The following SLC33A1 variants were observed in gnomAD, a reference collection of about 807,000 sequenced individuals.
The protein encoded by SLC33A1 is acetyl-coenzyme A transporter 1.
Under a neutral mutation model 50.0 loss-of-function variants are expected in SLC33A1, and 20 were observed. The ratio of observed to expected loss-of-function variants is 0.40; its 90% CI spans 0.28 to 0.58. The LOEUF (loss-of-function observed/expected upper bound fraction) is 0.58, where lower values mean the gene tolerates loss of function less well. Among genes scored for constraint, SLC33A1 ranks in the 20% least tolerant of loss-of-function variants. The pLI, the probability that SLC33A1 is intolerant of heterozygous loss-of-function variation, is 0.44. For missense variants in SLC33A1, 476 were observed against 657.0 expected, an observed-to-expected ratio of 0.72 and a Z score of 3.01; for synonymous variants, 265 against 251.8, an observed-to-expected ratio of 1.05 and a Z score of -0.50.
chr3:155,845,407 G>T (rs1753129022), intron 1 of SLC33A1, among the ~76,000 whole-genome samples: 1 of 152,116 alleles, frequency 6.6e-6, no homozygotes, highest in African/African-American at 2.4e-5. Context: ...GCTCACTGCA[G>T]CCTTGACCTC....
chr3:155,836,184 T>C (rs1752651568), intron 2 of SLC33A1, among the ~76,000 whole-genome samples: 1 of 143,764 alleles, frequency 7.0e-6, no homozygotes, highest in African/African-American at 2.6e-5. Flanking sequence ...CTCAGGAGGC[T>C]GAGGCAGCAG....
At position 155,826,391 on chromosome 3, in the gene SLC33A1, A is replaced by T. The variant is rs1045935385; in HGVS notation, c.*1819T>A. 18 of 141,052 alleles carry T rather than the reference A, an allele frequency of 1.3e-4. No individual in the cohort carries two copies. The highest frequency in any genetic ancestry group is 3.5e-4 in the African/African-American group (13 of 36,948). 8.7% of individuals were successfully genotyped at this position (141,052 alleles called of 1,614,324 possible). A position where few individuals can be genotyped will look rare whatever the true frequency, so the allele number is the denominator to read the frequency against. On this transcript the variant is annotated 3_prime_UTR_variant, in exon 6 of 6. Coordinates refer to ENST00000643144, the MANE Select transcript of SLC33A1 (RefSeq NM_004733.4). ...GACAAAGTGAGACTCTGTCTCAATT[A>T]AAAAAAAAAAAAACTATGTTTGAAA...
intron 2 of SLC33A1, among the ~76,000 whole-genome samples, chr3:155,837,450 A>AAT (rs1752727763): frequency 6.6e-6 from 1 of 152,220 alleles, no homozygotes; most frequent in Non-Finnish European, 1.5e-5. Context: ...TGGTAGGGAA[A>AAT]ATTGGAACAA....
At position 155,827,372 on chromosome 3, in the gene SLC33A1, A is replaced by G. The variant is rs1752232658; in HGVS notation, c.*838T>C. Reference sequence around the variant, plus strand: ...ATTTTTATTTTCAAAATGTTGCCATAAACATACATACAACACTGAATTTGA... The same window carrying G: ...ATTTTTATTTTCAAAATGTTGCCATGAACATACATACAACACTGAATTTGA... On this transcript the variant is annotated 3_prime_UTR_variant, in exon 6 of 6. Transcript: ENST00000643144. 1 of 152,176 alleles carries G rather than the reference A, an allele frequency of 6.6e-6. No individual in the cohort carries two copies. Among genetic ancestry groups the G allele is most frequent in the African/African-American group, 2.4e-5 (1 of 41,452 alleles). 9.4% of individuals were successfully genotyped at this position (152,176 alleles called of 1,614,324 possible).
At chr3:155,849,160 C>G (rs1753298033) in intron 1 of SLC33A1, among the ~76,000 whole-genome samples, 1 of 152,002 alleles carries the variant, frequency 6.6e-6, no homozygotes, top group Non-Finnish European at 1.5e-5. Flanking sequence ...AGCAATCTGC[C>G]CACCTCAGCC....
chr3:155,835,000 G>T (rs1752590580), intron 2 of SLC33A1, among the ~76,000 whole-genome samples: 1 of 152,104 alleles, frequency 6.6e-6, no homozygotes, highest in African/African-American at 2.4e-5. Context: ...AAAAATTAAA[G>T]TTATAAGGAC....
intron 1 of SLC33A1, chr3:155,852,962 G>C (rs957942662): frequency 7.4e-6 from 4 of 537,484 alleles, no homozygotes; most frequent in Non-Finnish European, 1.3e-5. Flanking sequence ...TATTAAGCAA[G>C]TGGCATGAAT....
chr3:155,853,788 G>A lies in SLC33A1; in HGVS notation c.210C>T (p.Ala70=). The part of the protein sequence containing the change: ...DFLKAPQSFR[A]ELSSILLLLF... ...GTAGTAGCAAAATGCTGCTTAGTTC[G>A]GCCCGGAAGCTCTGTGGGGCTTTTA... Residue 70 remains alanine (A), a synonymous_variant, in exon 1 of 6, where the codon GCC becomes GCT. Transcript: ENST00000643144. 1 of 1,613,460 alleles carries A rather than the reference G, an allele frequency of 6.2e-7. No homozygotes were observed. The highest frequency in any genetic ancestry group is 8.5e-7 in the Non-Finnish European group (1 of 1,179,738).
At chr3:155,840,232 C>A (rs958545347) in intron 2 of SLC33A1, among the ~76,000 whole-genome samples, 4 of 151,110 alleles carry the variant, frequency 2.6e-5, no homozygotes, top group African/African-American at 9.7e-5. Context: ...GGCTTACAGG[C>A]GCCTGGCACC....
intron 1 of SLC33A1, among the ~76,000 whole-genome samples, chr3:155,850,680 G>A (rs1052085690): frequency 6.0e-5 from 9 of 151,230 alleles, no homozygotes; most frequent in East Asian, 4.0e-4. Flanking sequence ...GCAATGGTGC[G>A]ATCTCGGTTC....
intron 2 of SLC33A1, among the ~76,000 whole-genome samples, chr3:155,838,584 G>A (rs969454854): frequency 6.6e-6 from 1 of 151,656 alleles, no homozygotes; most frequent in Non-Finnish European, 1.5e-5. Flanking sequence ...CGGAGGCTGA[G>A]GCAGGAGAAT....
At chr3:155,853,082 T>A in intron 1 of SLC33A1, 141 bp downstream of exon 1, 1 of 726,460 alleles carries the variant, frequency 1.4e-6, no homozygotes, top group Admixed American at 2.7e-5. Flanking sequence ...TCAAAGAAGC[T>A]CATTTGGACG....
intron 2 of SLC33A1, 50 bp from the exon 3 acceptor site, chr3:155,834,091 T>G: frequency 6.7e-7 from 1 of 1,493,802 alleles, no homozygotes; most frequent in Middle Eastern, 1.9e-4. Context: ...TATGAAATAT[T>G]TTCCTCCATG....
rs397991448 is a variant in SLC33A1 at position 155,831,457 on chromosome 3, CAAAAAAAAAAAA to C, written c.1267-1566_1267-1555del. Among the ~76,000 whole-genome samples the C allele has an allele frequency of 8.3e-3, 387 of 46,738 alleles. 1 individual carries two copies. Among genetic ancestry groups the C allele is most frequent in the Middle Eastern group, 0.045 (2 of 44 alleles). The allele number at this position is 46,738 out of a possible 152,430, so 30.7% of individuals were successfully genotyped here. A position where few individuals can be genotyped will look rare whatever the true frequency, so the allele number is the denominator to read the frequency against. On this transcript the variant is annotated intron_variant, in intron 4 of 5. Transcript: ENST00000643144. ...TGGGCAACAGAGTGAGACTCTGTCTCAAAAAAAAAAAAAAAAAAAAAAAAAAAAAAAAAATTT... is the reference window on the plus strand; with the variant it reads ...TGGGCAACAGAGTGAGACTCTGTCTCAAAAAAAAAAAAAAAAAAAAAATTT...
intron 2 of SLC33A1, among the ~76,000 whole-genome samples, chr3:155,836,351 A>G (rs1473240809): frequency 1.3e-5 from 2 of 150,074 alleles, no homozygotes; most frequent in African/African-American, 4.9e-5. Context: ...AAAATTATAA[A>G]TAGTATACAC....
At chr3:155,833,280 C>T (rs1560013388) in intron 4 of SLC33A1, among the ~76,000 whole-genome samples, 188 bp downstream of exon 4, 2 of 152,070 alleles carry the variant, frequency 1.3e-5, no homozygotes, top group African/African-American at 4.8e-5. Context: ...ATAAAAAAGT[C>T]TCTTTCTATG....
intron 2 of SLC33A1, among the ~76,000 whole-genome samples, chr3:155,839,134 A>C (rs1296357056): frequency 6.6e-6 from 1 of 151,402 alleles, no homozygotes; most frequent in African/African-American, 2.4e-5. Context: ...ACTAAAAATA[A>C]AAATGAAAAT....
rs1577483088 is a variant in SLC33A1, at chr3:155,853,988, T to G, written c.10A>C (p.Thr4Pro). The stretch of plus-strand genomic sequence containing the variant: ...CGGCTGCTGTCCTTGTGGGAGATGG[T>G]GGGTGACATATCAGAGACGATGCAG... MSP[T>P]ISHKDSSRQR... The change falls in exon 1 of 6, where the codon ACC becomes CCC. Residue 4 changes from threonine to proline, a missense_variant. Thr to Pro is a conservative substitution (Grantham distance 38). Transcript: ENST00000643144. 2 of 1,545,864 alleles carry G rather than the reference T, an allele frequency of 1.3e-6. No homozygotes were observed. The highest frequency in any genetic ancestry group is 4.5e-5 in the East Asian group (2 of 44,482).
chr3:155,839,684 C>T (rs1752847791), intron 2 of SLC33A1, among the ~76,000 whole-genome samples: 1 of 152,100 alleles, frequency 6.6e-6, no homozygotes. Context: ...CATGGTGGCT[C>T]ACACATGTAA....
Sources: gnomAD v4.1 joint callset for allele counts (sites outside exome capture counted in the v4.1 genomes callset) on GRCh38, gnomAD v4.1.1 for gene constraint, MANE v1.5 for transcripts, NCBI Gene and HGNC (gene_info 2026-07-23, HGNC 2026-07-21) for gene names.